PLEKHH2: variants seen among roughly 807,000 people sequenced by gnomAD.
The protein encoded by PLEKHH2 is pleckstrin homology, MyTH4 and FERM domain containing H2, also known as pleckstrin homology domain-containing family H member 2.
In PLEKHH2, 129 loss-of-function variants were observed where a neutral mutation model predicts 187.9. That is an observed-to-expected ratio of 0.69 (90% CI 0.59 to 0.79). PLEKHH2 has a LOEUF of 0.79. Among genes scored for constraint, PLEKHH2 ranks in the 30% least tolerant of loss-of-function variants. PLEKHH2 has a pLI of 0.00. For missense variants in PLEKHH2, 2,076 were observed against 1,751.2 expected, an observed-to-expected ratio of 1.19 and a Z score of -3.31; for synonymous variants, 686 against 605.6, an observed-to-expected ratio of 1.13 and a Z score of -1.95.
intron 22 of PLEKHH2, among the ~76,000 whole-genome samples, chr2:43,743,172 A>G (rs1276145143): frequency 2.6e-5 from 4 of 152,230 alleles, no homozygotes; most frequent in Non-Finnish European, 5.9e-5. Flanking sequence ...CAGAAAAATA[A>G]AAAACACTTC....
At chr2:43,678,194 C>T (rs1009744359) in intron 2 of PLEKHH2, among the ~76,000 whole-genome samples, 20 of 151,328 alleles carry the variant, frequency 1.3e-4, no homozygotes, top group African/African-American at 1.7e-4. Context: ...GATGGGATGG[C>T]GGCCGGGCAG....
chr2:43,699,693 C>T lies in PLEKHH2; in HGVS notation c.735C>T (p.Asn245=). The change falls in exon 8 of 30, where the codon AAC becomes AAT. Residue 245 remains asparagine (N), a synonymous_variant. Coordinates refer to ENST00000282406, the MANE Select transcript of PLEKHH2 (RefSeq NM_172069.4). ...CTGTTGATAACCAAGTTCTAGAAAA[C>T]AACAGAGGCCAGAGAACATTGCATC... ...EKSVDNQVLE[N]NRGQRTLHQT... is the part of the protein sequence containing the mutation. 1 of 1,613,996 alleles carries T rather than the reference C, an allele frequency of 6.2e-7. No individual in the cohort carries two copies. Among genetic ancestry groups the T allele is most frequent in the East Asian group, 2.2e-5 (1 of 44,892 alleles).
At chr2:43,699,315 T>G (rs563413861) in intron 7 of PLEKHH2, among the ~76,000 whole-genome samples, 1 of 152,190 alleles carries the variant, frequency 6.6e-6, no homozygotes, top group South Asian at 2.1e-4. Context: ...CAAAAACTTG[T>G]GTTTAAAAAA....
intron 11 of PLEKHH2, among the ~76,000 whole-genome samples, chr2:43,708,554 C>G (rs929736102): frequency 6.6e-6 from 1 of 152,216 alleles, no homozygotes; most frequent in Non-Finnish European, 1.5e-5. Flanking sequence ...TCTTCTGTTG[C>G]CAGCTCTTTT....
At chr2:43,727,474 T>C (rs1295694834) in intron 17 of PLEKHH2, among the ~76,000 whole-genome samples, 1 of 151,698 alleles carries the variant, frequency 6.6e-6, no homozygotes, top group African/African-American at 2.4e-5. Flanking sequence ...GGTTGATAGA[T>C]TTGACTATAC....
At chr2:43,689,334 C>G (rs1291313976) in intron 3 of PLEKHH2, among the ~76,000 whole-genome samples, 2 of 152,296 alleles carry the variant, frequency 1.3e-5, no homozygotes, top group East Asian at 3.9e-4. Context: ...GCAAAGTAGC[C>G]TAAAAACAGG....
intron 3 of PLEKHH2, 23 bp downstream of exon 3, chr2:43,678,948 A>AT (rs752631560): frequency 4.1e-5 from 64 of 1,567,972 alleles, no homozygotes; most frequent in East Asian, 1.1e-4. Context: ...TTTACTTTAA[A>AT]TTTTTTTTGC....
At chr2:43,701,477 G>A (rs1400432694) in intron 8 of PLEKHH2, among the ~76,000 whole-genome samples, 4 of 152,098 alleles carry the variant, frequency 2.6e-5, no homozygotes, top group Non-Finnish European at 5.9e-5. Flanking sequence ...GGGAAAGAAG[G>A]GTTCCCCCTA....
At chr2:43,715,346 A>C (rs576180614) in intron 15 of PLEKHH2, among the ~76,000 whole-genome samples, 2 of 152,330 alleles carry the variant, frequency 1.3e-5, no homozygotes, top group African/African-American at 4.8e-5. Context: ...CCTTTGGAGA[A>C]AAAGCTAGAG....
chr2:43,728,236 T>C (rs1002622634), intron 17 of PLEKHH2, among the ~76,000 whole-genome samples: 2 of 152,114 alleles, frequency 1.3e-5, no homozygotes, highest in African/African-American at 2.4e-5. Flanking sequence ...CCCAGCACTT[T>C]GGGAGGCCGA....
intron 3 of PLEKHH2, among the ~76,000 whole-genome samples, chr2:43,690,346 C>CTT (rs68179082): frequency 6.8e-6 from 1 of 146,936 alleles, no homozygotes. Flanking sequence ...TCTTCTTCAA[C>CTT]TTTTTTTTTT....
At chr2:43,752,348 G>A (rs1672043089) in intron 24 of PLEKHH2, among the ~76,000 whole-genome samples, 1 of 152,070 alleles carries the variant, frequency 6.6e-6, no homozygotes, top group Non-Finnish European at 1.5e-5. Flanking sequence ...AGATTAAAAT[G>A]GAGCTTAGGA....
At chr2:43,758,820 G>A (rs1672316500) in intron 26 of PLEKHH2, 80 bp from the exon 27 acceptor site, 2 of 1,265,392 alleles carry the variant, frequency 1.6e-6, no homozygotes, top group Non-Finnish European at 2.1e-6. Context: ...GGCTCAAGGA[G>A]AGTTTTATCT....
chr2:43,729,807 G>A (rs999041953), intron 18 of PLEKHH2, 62 bp downstream of exon 18: 3 of 1,159,780 alleles, frequency 2.6e-6, no homozygotes, highest in Admixed American at 5.7e-5. Context: ...AACCCGCTTA[G>A]CCTAATGGAG....
At chr2:43,694,700 A>T (rs979467880) in intron 5 of PLEKHH2, among the ~76,000 whole-genome samples, 186 bp downstream of exon 5, 4 of 152,332 alleles carry the variant, frequency 2.6e-5, no homozygotes, top group Admixed American at 1.3e-4. Context: ...AAAATTAAAC[A>T]TATTAATAGA....
intron 19 of PLEKHH2, among the ~76,000 whole-genome samples, chr2:43,733,767 C>T (rs537032922): frequency 6.6e-6 from 1 of 152,174 alleles, no homozygotes; most frequent in African/African-American, 2.4e-5. Context: ...TAATTATTGA[C>T]ACTGGGTGAT....
chr2:43,754,864 A>G (rs1257456235), intron 25 of PLEKHH2, among the ~76,000 whole-genome samples: 1 of 139,550 alleles, frequency 7.2e-6, no homozygotes, highest in Non-Finnish European at 1.5e-5. Flanking sequence ...GCTCCTTAAA[A>G]TCAACTTTTT....
chr2:43,704,353 A>C (rs1669541744), intron 9 of PLEKHH2, among the ~76,000 whole-genome samples: 1 of 152,108 alleles, frequency 6.6e-6, no homozygotes, highest in Non-Finnish European at 1.5e-5. Context: ...ACATTACTGA[A>C]CTGTACAATT....
chr2:43,747,956 C>T (rs1053534145), intron 24 of PLEKHH2, among the ~76,000 whole-genome samples: 1 of 152,238 alleles, frequency 6.6e-6, no homozygotes, highest in Non-Finnish European at 1.5e-5. Context: ...TCCAGTATGT[C>T]ACAGTATCTT....
Sources: gnomAD v4.1 joint callset for allele counts (sites outside exome capture counted in the v4.1 genomes callset) on GRCh38, gnomAD v4.1.1 for gene constraint, MANE v1.5 for transcripts, NCBI Gene and HGNC (gene_info 2026-07-23, HGNC 2026-07-21) for gene names.